The following MYT1L variants were observed in gnomAD, a reference collection of about 807,000 sequenced individuals.
The protein encoded by MYT1L is myelin transcription factor 1-like protein.
MYT1L carries 12 observed loss-of-function variants against 126.7 expected under a neutral mutation model. That is an observed-to-expected ratio of 0.09 (90% confidence interval 0.06 to 0.15). The LOEUF is 0.15. Among genes scored for constraint, MYT1L ranks in the 10% least tolerant of loss-of-function variants. The probability of loss-of-function intolerance (pLI) is 1.00; values close to 1 mark genes in which losing one functional copy is unlikely to be tolerated. For missense variants in MYT1L, 979 were observed against 1,585.2 expected, an observed-to-expected ratio of 0.62 and a Z score of 6.49; for synonymous variants, 541 against 604.2, an observed-to-expected ratio of 0.90 and a Z score of 1.53.
chr2:1,994,798 A>T (rs1298864931), intron 5 of MYT1L, among the ~76,000 whole-genome samples: 1 of 152,248 alleles, frequency 6.6e-6, no homozygotes, highest in African/African-American at 2.4e-5. Flanking sequence ...TTTGCCATAG[A>T]AAAATATTAC....
chr2:1,920,690 T>C lies in MYT1L; in HGVS notation c.1483+1596A>G, dbSNP rs534910816. Among the ~76,000 whole-genome samples, 6 of 152,350 alleles carry C rather than the reference T, an allele frequency of 3.9e-5. No individual in the cohort carries two copies. In the South Asian group the frequency reaches 6.2e-4, roughly 16 times the overall value. On this transcript the variant is annotated intron_variant, in intron 10 of 24. Coordinates refer to ENST00000647738, the MANE Select transcript of MYT1L (RefSeq NM_001303052.2). The stretch of plus-strand genomic sequence containing the variant: ...ATAAAAATGTTTCATTCCTGTATGA[T>C]TCTCAAAAATTCAACTAAAAATTTC...
intron 2 of MYT1L, among the ~76,000 whole-genome samples, chr2:2,225,400 G>A (rs7557864): frequency 5.3e-5 from 8 of 152,154 alleles, no homozygotes; most frequent in African/African-American, 1.4e-4. Context: ...ACCTACCTAC[G>A]TACACCCCAG....
intron 3 of MYT1L, among the ~76,000 whole-genome samples, chr2:2,088,095 G>A (rs1420662083): frequency 6.6e-6 from 1 of 152,228 alleles, no homozygotes; most frequent in Non-Finnish European, 1.5e-5. Flanking sequence ...AGCACATGGT[G>A]AGCGGCACAT....
At chr2:2,122,866 T>TGAGAGA (rs1194117267) in intron 3 of MYT1L, among the ~76,000 whole-genome samples, 1 of 146,322 alleles carries the variant, frequency 6.8e-6, no homozygotes, top group African/African-American at 2.7e-5. Flanking sequence ...TGTGTGTGTG[T>TGAGAGA]GTGTGTGAGA....
chr2:1,889,257 T>G lies in MYT1L; in HGVS notation c.2504A>C (p.Glu835Ala). ...KMKPRRIDED[E>A]SKDITPEDLD... ...AGGACATACAGTAATGTCTTTGGAC[T>G]CGTCCTCGTCTATCCTCCGGGGTTT... Residue 835 changes from glutamate (E) to alanine (A), a missense_variant, in exon 16 of 25, where the codon GAG becomes GCG. By Grantham distance (107) the Glu-to-Ala change is moderately radical. This residue lies in a region of MYT1L where 141 missense variants were observed against 170.6 expected (regional missense o/e 0.83). Transcript: ENST00000647738. This position sits in a 1 kb window ranked among gnomAD's most constrained non-coding sequence, Gnocchi z 4.1. The G allele has an allele frequency of 6.2e-7, 1 of 1,613,926 alleles. No homozygotes were observed. The highest frequency in any genetic ancestry group is 8.5e-7 in the Non-Finnish European group (1 of 1,179,852).
At chr2:2,014,570 G>T (rs1411479519) in intron 4 of MYT1L, among the ~76,000 whole-genome samples, 2 of 152,184 alleles carry the variant, frequency 1.3e-5, no homozygotes, top group African/African-American at 4.8e-5. Flanking sequence ...CTGCTTGCTG[G>T]CAGCTTCTCA....
intron 3 of MYT1L, among the ~76,000 whole-genome samples, chr2:2,056,382 G>A (rs1304949691): frequency 2.6e-5 from 4 of 152,286 alleles, no homozygotes; most frequent in Non-Finnish European, 4.4e-5. Flanking sequence ...ATGCATTCCC[G>A]TCTGGGAGTA....
intron 18 of MYT1L, among the ~76,000 whole-genome samples, chr2:1,877,596 T>C (rs1396321035): frequency 6.6e-6 from 1 of 152,092 alleles, no homozygotes; most frequent in African/African-American, 2.4e-5. Context: ...ATGAACGCCA[T>C]CAGCACTTGG....
intron 8 of MYT1L, among the ~76,000 whole-genome samples, chr2:1,950,911 G>A (rs1356179844): frequency 1.3e-5 from 2 of 152,194 alleles, no homozygotes; most frequent in African/African-American, 4.8e-5. Flanking sequence ...AAGGAGCAAT[G>A]TCAGGTCATA....
intron 21 of MYT1L, among the ~76,000 whole-genome samples, chr2:1,835,173 A>T (rs981906763): frequency 3.9e-5 from 6 of 152,214 alleles, no homozygotes; most frequent in Non-Finnish European, 8.8e-5. Context: ...CCATAAAGCC[A>T]TCTTAAGTTG....
intron 2 of MYT1L, among the ~76,000 whole-genome samples, chr2:2,269,901 C>T (rs992150033): frequency 6.6e-6 from 1 of 152,192 alleles, no homozygotes; most frequent in Non-Finnish European, 1.5e-5. Flanking sequence ...TTTATCTCTG[C>T]CTCCAAATCT....
At chr2:2,184,597 C>T (rs1192296737) in intron 2 of MYT1L, among the ~76,000 whole-genome samples, 3 of 152,136 alleles carry the variant, frequency 2.0e-5, no homozygotes, top group African/African-American at 7.2e-5. Context: ...CCAATTTGCC[C>T]AACCTCCTCT....
Position 2,063,758 on chromosome 2 carries a change from C to G in MYT1L, c.-303-9635G>C, listed in dbSNP as rs1039527221. On this transcript the variant is annotated intron_variant, in intron 3 of 24. Transcript: ENST00000647738. The stretch of plus-strand genomic sequence containing the variant: ...ACTCGGTATGCTGAGGGAGGAGAAT[C>G]GCTTGAACCTGGGAGGTAGAGGTTA... Among the ~76,000 whole-genome samples the G allele has an allele frequency of 2.0e-5, 3 of 152,178 alleles. No homozygotes were observed. In the East Asian group the frequency reaches 5.8e-4, roughly 29 times the overall value.
intron 1 of MYT1L, among the ~76,000 whole-genome samples, chr2:2,287,095 A>G (rs1290496104): frequency 6.6e-6 from 1 of 152,114 alleles, no homozygotes; most frequent in Non-Finnish European, 1.5e-5. Context: ...GGTCTCTACT[A>G]AAAATAGAAA....
At chr2:2,197,515 T>C (rs1215903412) in intron 2 of MYT1L, among the ~76,000 whole-genome samples, 4 of 151,944 alleles carry the variant, frequency 2.6e-5, no homozygotes, top group Admixed American at 2.0e-4. Flanking sequence ...ACAACGAATG[T>C]GTAGAGATGT....
chr2:1,808,579 A>G (rs1019377539), intron 22 of MYT1L, among the ~76,000 whole-genome samples: 3 of 152,158 alleles, frequency 2.0e-5, no homozygotes, highest in African/African-American at 7.2e-5. Flanking sequence ...AGAACTCTCT[A>G]CACACCTGTG....
chr2:2,323,020 T>C (rs1445440667), intron 1 of MYT1L, among the ~76,000 whole-genome samples: 2 of 152,096 alleles, frequency 1.3e-5, no homozygotes, highest in African/African-American at 2.4e-5. Flanking sequence ...CACACACACA[T>C]TGAAAAAACA....
intron 3 of MYT1L, among the ~76,000 whole-genome samples, chr2:2,070,633 A>G (rs2074492193): frequency 6.6e-6 from 1 of 152,248 alleles, no homozygotes; most frequent in Admixed American, 6.5e-5. Flanking sequence ...CACGTACACC[A>G]TGCATTCAGC....
intron 12 of MYT1L, 23 bp downstream of exon 12, chr2:1,911,997 C>G: frequency 6.4e-7 from 1 of 1,561,708 alleles, no homozygotes; most frequent in Non-Finnish European, 8.7e-7. Context: ...CCCTCCCACA[C>G]CAGTGACCCA....
Sources: allele counts gnomAD v4.1 joint callset (sites outside exome capture counted in the v4.1 genomes callset), GRCh38; gene constraint gnomAD v4.1.1; regional missense constraint gnomAD v4.1.1; non-coding constraint Gnocchi (gnomAD v3.1); transcripts MANE v1.5; gene names NCBI Gene and HGNC (gene_info 2026-07-23, HGNC 2026-07-21).